Variants in GRM5 observed in about 807,000 individuals in gnomAD.
GRM5 encodes the protein metabotropic glutamate receptor 5.
Under a neutral mutation model 83.1 loss-of-function variants are expected in GRM5, and 19 were observed. That is an observed-to-expected ratio of 0.23 (90% confidence interval 0.16 to 0.34). GRM5 has a LOEUF of 0.34. Among genes scored for constraint, GRM5 ranks in the 10% least tolerant of loss-of-function variants. The pLI is 1.00. For missense variants in GRM5, 1,160 were observed against 1,588.3 expected, an observed-to-expected ratio of 0.73 and a Z score of 4.58; for synonymous variants, 675 against 633.6, an observed-to-expected ratio of 1.07 and a Z score of -0.98.
intron 7 of GRM5, among the ~76,000 whole-genome samples, chr11:88,579,095 AC>A (rs1254424617): frequency 6.6e-6 from 1 of 152,158 alleles, no homozygotes; most frequent in Non-Finnish European, 1.5e-5. Flanking sequence ...CATGATTCCA[AC>A]CTTTTTTAAA....
chr11:88,741,763 A>G (rs981003124), intron 3 of GRM5, among the ~76,000 whole-genome samples: 4 of 152,010 alleles, frequency 2.6e-5, no homozygotes, highest in African/African-American at 9.7e-5. Context: ...TCTAATAAGT[A>G]CTGAGCGCAC....
In GRM5 at chr11:88,604,095, T is replaced by G. The variant is rs545818848; in HGVS notation, c.1394+623A>C. On this transcript the variant is annotated intron_variant, in intron 5 of 9. Coordinates refer to ENST00000305447, the MANE Select transcript of GRM5 (RefSeq NM_001143831.3). The stretch of plus-strand genomic sequence containing the variant: ...AGTAGAAGACAAATGTGAATTATGG[T>G]AAGTTCTGGGTACTTAGTGATTTCT... Among the ~76,000 whole-genome samples the G allele has an allele frequency of 2.0e-5, 3 of 152,318 alleles. No homozygotes were observed. The East Asian group carries it at 5.8e-4, about 29-fold the overall frequency.
chr11:88,745,194 T>C (rs1942109463), intron 3 of GRM5, among the ~76,000 whole-genome samples: 1 of 111,362 alleles, frequency 9.0e-6, no homozygotes, highest in Non-Finnish European at 1.8e-5. Flanking sequence ...TTCTTTTTAT[T>C]TTTCTTTTTT....
chr11:88,765,189 G>A (rs1942603495), intron 3 of GRM5, among the ~76,000 whole-genome samples: 1 of 151,354 alleles, frequency 6.6e-6, no homozygotes, highest in Non-Finnish European at 1.5e-5. Context: ...TAAGTAGTAA[G>A]GATATTGAGT....
chr11:88,745,202 T>TTG (rs1480129281), intron 3 of GRM5, among the ~76,000 whole-genome samples: 1 of 143,834 alleles, frequency 7.0e-6, no homozygotes, highest in South Asian at 2.1e-4. Flanking sequence ...ATTTTTCTTT[T>TTG]TTTTTTTTTC....
intron 2 of GRM5, among the ~76,000 whole-genome samples, chr11:88,968,500 AAG>A (rs1458854129): frequency 1.3e-5 from 2 of 152,008 alleles, no homozygotes; most frequent in Admixed American, 1.3e-4. Context: ...CTGGGAAACA[AAG>A]AGAGACTTCA....
At chr11:88,844,516 T>C (rs1306755740) in intron 3 of GRM5, among the ~76,000 whole-genome samples, 1 of 110,718 alleles carries the variant, frequency 9.0e-6, no homozygotes, top group Non-Finnish European at 2.1e-5. Context: ...GCTAACACAA[T>C]ATCCATTCTT....
At chr11:88,957,537 A>G (rs1938659241) in intron 2 of GRM5, among the ~76,000 whole-genome samples, 1 of 152,212 alleles carries the variant, frequency 6.6e-6, no homozygotes, top group East Asian at 1.9e-4. Context: ...TTGTCTTGAA[A>G]TGGTGTAATG....
At chr11:88,785,975 T>C (rs940224684) in intron 3 of GRM5, among the ~76,000 whole-genome samples, 1 of 152,128 alleles carries the variant, frequency 6.6e-6, no homozygotes, top group East Asian at 1.9e-4. Flanking sequence ...AGGATGCCCA[T>C]TCACTTAGTG....
intron 3 of GRM5, among the ~76,000 whole-genome samples, chr11:88,718,080 C>T (rs1591463097): frequency 6.6e-6 from 1 of 151,682 alleles, no homozygotes; most frequent in African/African-American, 2.4e-5. Context: ...CATACAAGAT[C>T]CTTTGTAGTC....
chr11:88,584,439 T>C (rs748030580), intron 7 of GRM5, among the ~76,000 whole-genome samples: 16 of 152,138 alleles, frequency 1.1e-4, no homozygotes, highest in Non-Finnish European at 2.1e-4. Flanking sequence ...TCTTTTCTTT[T>C]CTTTTTGTTT....
At position 88,796,071 on chromosome 11, in the gene GRM5, A is replaced by G. The variant is rs117082432; in HGVS notation, c.911+53835T>C. Among the ~76,000 whole-genome samples the G allele has an allele frequency of 9.4e-3, 1,432 of 152,316 alleles. 12 individuals carry two copies. The highest frequency in any genetic ancestry group is 0.015 in the Non-Finnish European group (1,022 of 68,030). The stretch of plus-strand genomic sequence containing the variant: ...ATATAATTAAATTGCCTAGTGTACT[A>G]TTACTGCTAGCATAAACACTATTAC... On this transcript the variant is annotated intron_variant, in intron 3 of 9. Transcript: ENST00000305447.
chr11:88,833,280 C>T (rs982185347), intron 3 of GRM5, among the ~76,000 whole-genome samples: 2 of 151,734 alleles, frequency 1.3e-5, no homozygotes, highest in Non-Finnish European at 2.9e-5. Flanking sequence ...AACTAACTCC[C>T]GCTGCCCCCC....
chr11:88,818,794 G>A (rs1943734325), intron 3 of GRM5, among the ~76,000 whole-genome samples: 2 of 151,970 alleles, frequency 1.3e-5, no homozygotes, highest in African/African-American at 4.8e-5. Flanking sequence ...GACACTAAAA[G>A]TAAATGCAGA....
chr11:89,009,929 A>AAAAACC (rs752780249), intron 2 of GRM5, among the ~76,000 whole-genome samples: 1 of 102,388 alleles, frequency 9.8e-6, no homozygotes, highest in South Asian at 4.7e-4. Context: ...AAAAAAAAAA[A>AAAAACC]ACACACACAA....
chr11:88,637,002 T>C (rs902459882), intron 4 of GRM5, among the ~76,000 whole-genome samples: 2 of 152,206 alleles, frequency 1.3e-5, no homozygotes, highest in African/African-American at 4.8e-5. Flanking sequence ...TCCAGCCTTG[T>C]TCTTTTGGCT....
intron 3 of GRM5, among the ~76,000 whole-genome samples, chr11:88,668,774 A>T (rs1940116972): frequency 6.6e-6 from 1 of 152,170 alleles, no homozygotes; most frequent in Non-Finnish European, 1.5e-5. Flanking sequence ...GCAGAACTGA[A>T]ACTTTGTATT....
chr11:88,600,292 C>CCCA (rs1565355280), intron 5 of GRM5, among the ~76,000 whole-genome samples: 6 of 146,934 alleles, frequency 4.1e-5, no homozygotes, highest in African/African-American at 1.5e-4. Flanking sequence ...CCCTCTCCCC[C>CCCA]ACCCCTTCCC....
At chr11:89,028,012 GAAGT>G (rs974807770) in intron 2 of GRM5, among the ~76,000 whole-genome samples, 9 of 152,150 alleles carry the variant, frequency 5.9e-5, no homozygotes, top group African/African-American at 1.9e-4. Flanking sequence ...CATGTGAGAT[GAAGT>G]ATTTCTTCCT....
Sources: allele counts gnomAD v4.1 joint callset (sites outside exome capture counted in the v4.1 genomes callset), GRCh38; gene constraint gnomAD v4.1.1; transcripts MANE v1.5; gene names NCBI Gene and HGNC (gene_info 2026-07-23, HGNC 2026-07-21).